TP53BP1: variants seen among roughly 807,000 people sequenced by gnomAD.
The protein encoded by TP53BP1 is TP53-binding protein 1.
Under a neutral mutation model 200.8 loss-of-function variants are expected in TP53BP1, and 61 were observed. That is an observed-to-expected ratio of 0.30 (90% CI 0.25 to 0.38). The LOEUF (loss-of-function observed/expected upper bound fraction) is 0.38, where lower values mean the gene tolerates loss of function less well. TP53BP1 is among the 10% of genes least tolerant of loss of function. TP53BP1 has a pLI of 1.00. For missense variants in TP53BP1, 2,144 were observed against 2,371.9 expected (o/e 0.90, Z 2.00); for synonymous variants, 822 against 844.3 (o/e 0.97, Z 0.46).
chr15:43,497,723 A>T (rs141857164), upstream of TP53BP1, among the ~76,000 whole-genome samples: 37 of 152,302 alleles, frequency 2.4e-4, no homozygotes, highest in Non-Finnish European at 3.7e-4. Flanking sequence ...AGGAGCTAGG[A>T]GGAGGGAGGA....
intron 12 of TP53BP1, among the ~76,000 whole-genome samples, chr15:43,448,166 T>C (rs2046086297): frequency 6.6e-6 from 1 of 152,210 alleles, no homozygotes; most frequent in Admixed American, 6.5e-5. Flanking sequence ...GTACACATTT[T>C]AGTTATTAAA....
chr15:43,457,948 G>A (rs2046339778), intron 11 of TP53BP1, among the ~76,000 whole-genome samples: 2 of 151,942 alleles, frequency 1.3e-5, no homozygotes, highest in African/African-American at 4.8e-5. Context: ...GAACCGCGGA[G>A]GCAGAGGTTG....
Position 43,447,488 on chromosome 15 carries a change from G to GAAAAAAAAAAAAAA in TP53BP1, c.2717-17_2717-4dup. 10 of 954,470 alleles carry GAAAAAAAAAAAAAA rather than the reference G, an allele frequency of 1.0e-5. No individual in the cohort carries two copies. Among genetic ancestry groups the GAAAAAAAAAAAAAA allele is most frequent in the South Asian group, 5.8e-5 (2 of 34,482 alleles). The allele number at this position is 954,470 out of a possible 1,614,324, so 59.1% of individuals were successfully genotyped here. On this transcript the variant is annotated splice_region_variant and splice_polypyrimidine_tract_variant and intron_variant, in intron 12 of 27. Transcript: ENST00000382044. Reference sequence around the variant, plus strand: ...CAAAGTGAAATGAAATGGGGTTTCTGAAAAAAAAAAAAAAAAGAAAAAAGA... The same window carrying GAAAAAAAAAAAAAA: ...CAAAGTGAAATGAAATGGGGTTTCTGAAAAAAAAAAAAAAAAAAAAAAAAAAAAAAGAAAAAAGA...
rs778513684 is a variant in TP53BP1 at position 43,492,113 on chromosome 15, A to C, written c.193-18T>G. The C allele has an allele frequency of 5.9e-5, 94 of 1,585,572 alleles. No individual in the cohort carries two copies. In the Admixed American group the frequency reaches 9.5e-4, roughly 16 times the overall value. ...ACAACATCCTAGAAAATACACATAC[A>C]AAATATCCCCATTATATATGAAATA... On this transcript the variant is annotated intron_variant, in intron 2 of 27. Coordinates refer to ENST00000382044, the MANE Select transcript of TP53BP1 (RefSeq NM_001141980.3).
intron 17 of TP53BP1, among the ~76,000 whole-genome samples, chr15:43,430,679 G>T (rs1351129453): frequency 1.3e-5 from 2 of 152,106 alleles, no homozygotes; most frequent in African/African-American, 4.8e-5. Context: ...AAGACCCCCA[G>T]TGGATGCCTG....
At chr15:43,509,726 A>G (rs2079260886) in intron 1 of TP53BP1, among the ~76,000 whole-genome samples, 1 of 152,166 alleles carries the variant, frequency 6.6e-6, no homozygotes, top group African/African-American at 2.4e-5. Flanking sequence ...AGTATTTAAC[A>G]TGCAGACACT....
rs1304456036 is a variant in TP53BP1, at chr15:43,457,121, T to A, written c.1487A>T (p.Lys496Ile). 6.2e-7 allele frequency: 1 copy of A among 1,614,140 alleles called. No homozygotes were observed. Among genetic ancestry groups the A allele is most frequent in the Non-Finnish European group, 8.5e-7 (1 of 1,180,002 alleles). Residue 496 changes from lysine (K) to isoleucine (I), a missense_variant, in exon 12 of 28, where the codon AAA (lysine) becomes ATA (isoleucine). Lys to Ile is a moderately radical substitution (Grantham distance 102). This residue lies in a region of TP53BP1 where 1,700 missense variants were observed against 1,710.3 expected (regional missense o/e 0.99). Transcript: ENST00000382044. The part of the protein sequence containing the change: ...HSSSLTVECS[K>I]TSEIEPKNSP... ...ATTCTTTGGTTCAATCTCTGAAGTT[T>A]TAGAACACTCAACTGTCAAAGATGA...
intron 11 of TP53BP1, among the ~76,000 whole-genome samples, chr15:43,462,605 C>T (rs922312944): frequency 6.6e-6 from 1 of 152,136 alleles, no homozygotes; most frequent in African/African-American, 2.4e-5. Flanking sequence ...TGTAAGCCAC[C>T]AAGCATGACC....
chr15:43,410,562 AAAAAG>A (rs201902481), intron 24 of TP53BP1, among the ~76,000 whole-genome samples: 1,716 of 152,236 alleles, frequency 0.011, 19 homozygotes, highest in East Asian at 0.065. Flanking sequence ...CATTAAAAAA[AAAAAG>A]AAAAGAAAAG....
intron 18 of TP53BP1, among the ~76,000 whole-genome samples, chr15:43,422,356 C>T (rs1187454838): frequency 1.3e-5 from 2 of 151,360 alleles, no homozygotes; most frequent in African/African-American, 4.9e-5. Flanking sequence ...TTTTTTCTCC[C>T]CCAGGTGATT....
At position 43,466,944 on chromosome 15, in the gene TP53BP1, T is replaced by G. The variant is rs571420338; in HGVS notation, c.1389+2914A>C. 5.3e-5 allele frequency among the ~76,000 whole-genome samples: 8 copies of G among 152,294 alleles called. No individual in the cohort carries two copies. In the South Asian group the frequency reaches 1.4e-3, roughly 28 times the overall value. On this transcript the variant is annotated intron_variant, in intron 11 of 27. Transcript: ENST00000382044. ...CATAAAGAACGAAAAGTGGTTATCT[T>G]TGGGTAGGAAGAGGAAGAGGCCTTG...
At chr15:43,496,578 T>C (rs904308910), upstream of TP53BP1, among the ~76,000 whole-genome samples, 1 of 152,098 alleles carries the variant, frequency 6.6e-6, no homozygotes, top group Non-Finnish European at 1.5e-5. Flanking sequence ...CTGAGGAGAA[T>C]TGACAAGTGC....
rs553255272 is a variant in TP53BP1, at chr15:43,446,555, T to C, written c.2872A>G (p.Ser958Gly). 6.2e-7 allele frequency: 1 copy of C among 1,614,122 alleles called. No individual in the cohort carries two copies. Among genetic ancestry groups the C allele is most frequent in the Non-Finnish European group, 8.5e-7 (1 of 1,180,010 alleles). The change falls in exon 14 of 28, where the codon AGT becomes GGT. Residue 958 changes from serine (S) to glycine (G), a missense_variant. Ser to Gly is a moderately conservative substitution (Grantham distance 56). This residue lies in a region of TP53BP1 where 1,700 missense variants were observed against 1,710.3 expected (regional missense o/e 0.99). Transcript: ENST00000382044. Reference sequence around the variant, plus strand: ...ACCATGCTTTCAGACATGACATCACTGGTTGCTATGGTGCTTTCTGGATAG... The same window carrying C: ...ACCATGCTTTCAGACATGACATCACCGGTTGCTATGGTGCTTTCTGGATAG... The part of the protein sequence containing the change: ...SNYPESTIAT[S>G]DVMSESMVET...
At chr15:43,457,285 T>C in intron 11 of TP53BP1, 67 bp from the exon 12 acceptor site, 12 of 1,307,070 alleles carry the variant, frequency 9.2e-6, no homozygotes, top group Non-Finnish European at 1.2e-5. Context: ...TATCGAATCC[T>C]TGGATTCATA....
chr15:43,475,759 A>C, intron 8 of TP53BP1, 65 bp from the exon 9 acceptor site: 1 of 1,558,392 alleles, frequency 6.4e-7, no homozygotes, highest in Non-Finnish European at 8.8e-7. Flanking sequence ...AAAACCATTC[A>C]GTACTGCAAA....
Position 43,479,493 on chromosome 15 carries a change from A to G in TP53BP1, c.692T>C (p.Ile231Thr). Residue 231 changes from isoleucine (I) to threonine (T), a missense_variant, in exon 7 of 28, where the codon ATC (isoleucine) becomes ACC (threonine). Transcript: ENST00000382044. The part of the protein sequence containing the change: ...IKHEEQSNED[I>T]PIAEQSSKDI... The stretch of plus-strand genomic sequence containing the variant: ...CTTGCTGGACTGTTCTGCTATGGGG[A>G]TATCTTCGTTGGACTGTTCTTCATG... The G allele has an allele frequency of 6.2e-7, 1 of 1,613,190 alleles. No individual in the cohort carries two copies. The highest frequency in any genetic ancestry group is 1.1e-5 in the South Asian group (1 of 90,926).
chr15:43,475,474 A>T, intron 9 of TP53BP1, 91 bp downstream of exon 9: 1 of 1,455,700 alleles, frequency 6.9e-7, no homozygotes, highest in Non-Finnish European at 9.4e-7. Flanking sequence ...AAAGAATTCT[A>T]GACTAGCAGA....
At position 43,405,429 on chromosome 15, in the gene TP53BP1, G is replaced by A. The variant is rs979454347; in HGVS notation, c.*1954C>T. 5 of 601,058 alleles carry A rather than the reference G, an allele frequency of 8.3e-6. No homozygotes were observed. The Admixed American group carries it at 9.0e-5, about 11-fold the overall frequency. The allele number at this position is 601,058 out of a possible 1,614,324, so 37.2% of individuals were successfully genotyped here. Reference sequence around the variant, plus strand: ...GTCTCTCCCATCAAGGAGAACATGTGGCATCTCTGATCCTTTACATTGAGA... The same window carrying A: ...GTCTCTCCCATCAAGGAGAACATGTAGCATCTCTGATCCTTTACATTGAGA... On this transcript the variant is annotated 3_prime_UTR_variant, in exon 28 of 28. Coordinates refer to ENST00000382044, the MANE Select transcript of TP53BP1 (RefSeq NM_001141980.3).
chr15:43,494,797 C>T (rs1289081041), upstream of TP53BP1, among the ~76,000 whole-genome samples: 1 of 152,184 alleles, frequency 6.6e-6, no homozygotes, highest in Non-Finnish European at 1.5e-5. Flanking sequence ...CCAAAAGTTA[C>T]CATTTTTTTG....
Sources: allele counts gnomAD v4.1 joint callset (sites outside exome capture counted in the v4.1 genomes callset), GRCh38; gene constraint gnomAD v4.1.1; regional missense constraint gnomAD v4.1.1; transcripts MANE v1.5; gene names NCBI Gene and HGNC (gene_info 2026-07-23, HGNC 2026-07-21).